The following PPAT variants were observed in gnomAD, a reference collection of about 807,000 sequenced individuals.
PPAT encodes the protein phosphoribosyl pyrophosphate amidotransferase.
Under a neutral mutation model 60.2 loss-of-function variants are expected in PPAT, and 20 were observed. The ratio of observed to expected loss-of-function variants is 0.33; its 90% confidence interval spans 0.23 to 0.48. The LOEUF is 0.48. Ranked by LOEUF, PPAT falls within the 20% of genes least tolerant of loss-of-function variation. PPAT has a pLI of 0.99. For missense variants in PPAT, 349 were observed against 629.6 expected (o/e 0.55, Z 4.77); for synonymous variants, 194 against 215.1 (o/e 0.90, Z 0.86).
chr4:56,423,224 A>T (rs1295360108), intron 1 of PPAT: 1 of 152,200 alleles, frequency 6.6e-6, no homozygotes, highest in Non-Finnish European at 1.5e-5. Context: ...TAGTTAATCA[A>T]ATTTCCTATA....
In PPAT at chr4:56,403,293, C is replaced by A. The variant is rs1434127543; in HGVS notation, c.511G>T (p.Ala171Ser). Residue 171 changes from alanine to serine, a missense_variant, in exon 4 of 11, where the codon GCC becomes TCC. Physicochemically the swap from Ala to Ser is moderately conservative, Grantham distance 99. Around this residue, in one of 5 missense-constraint regions of PPAT, gnomAD observed 63 missense variants for 86.9 expected, o/e 0.73. Transcript: ENST00000264220. The part of the protein sequence containing the change: ...QEQDDTPDWV[A>S]RIKNLMKEAP... Reference sequence around the variant, plus strand: ...TTAGTCCAGTTCTCTGCTTACCTGGCTACCCAGTCTGGGGTGTCATCTTGT... The same window carrying A: ...TTAGTCCAGTTCTCTGCTTACCTGGATACCCAGTCTGGGGTGTCATCTTGT... 6.2e-7 allele frequency: 1 copy of A among 1,611,948 alleles called. No homozygotes were observed. Among genetic ancestry groups the A allele is most frequent in the South Asian group, 1.1e-5 (1 of 91,020 alleles).
At chr4:56,422,541 A>G (rs1178975898) in intron 1 of PPAT, 1 of 148,482 alleles carries the variant, frequency 6.7e-6, no homozygotes, top group African/African-American at 2.5e-5. Context: ...ATAAAATGCT[A>G]TTATAAGACA....
Position 56,399,332 on chromosome 4 carries a change from G to A in PPAT, c.1083C>T (p.Asn361=), listed in dbSNP as rs112406471. Residue 361 remains asparagine (N), a synonymous_variant, in exon 9 of 11, where the codon AAC becomes AAT. Coordinates refer to ENST00000264220, the MANE Select transcript of PPAT (RefSeq NM_002703.5). ...CAACACCAAGTTGTCTTAACCTCAT[G>A]TTTGGCTGAATGAAGGTTCTCCCTA... ...RYVGRTFIQP[N]MRLRQLGVAK... is the part of the protein sequence containing the mutation. 2 of 1,613,946 alleles carry A rather than the reference G, an allele frequency of 1.2e-6. No individual in the cohort carries two copies. The highest frequency in any genetic ancestry group is 1.3e-5 in the African/African-American group (1 of 75,002).
At chr4:56,400,645 A>C (rs1716087315) in intron 8 of PPAT, 139 bp downstream of exon 8, 20 of 940,452 alleles carry the variant, frequency 2.1e-5, no homozygotes, top group Middle Eastern at 3.8e-4. Context: ...AAAATAAAAA[A>C]CGCTTGTAAA....
chr4:56,414,711 T>C (rs1274886288), intron 1 of PPAT, among the ~76,000 whole-genome samples: 2 of 152,196 alleles, frequency 1.3e-5, no homozygotes, highest in African/African-American at 4.8e-5. Flanking sequence ...TGGACGTAAA[T>C]CTGGACTCTA....
At chr4:56,402,832 A>AG (rs1210702243) in intron 5 of PPAT, among the ~76,000 whole-genome samples, 1 of 137,282 alleles carries the variant, frequency 7.3e-6, no homozygotes, top group Non-Finnish European at 1.6e-5. Flanking sequence ...AAAAAAAAAA[A>AG]AAAAAAAAAA....
intron 1 of PPAT, chr4:56,431,315 C>T (rs1717571832): frequency 6.0e-6 from 2 of 331,648 alleles, no homozygotes; most frequent in Admixed American, 1.3e-4. Context: ...CTCCACAAAA[C>T]TAAATGAAGA....
At position 56,435,336 on chromosome 4, in the gene PPAT, AC is replaced by A; in HGVS notation, c.128+13del. The A allele has an allele frequency of 6.3e-7, 1 of 1,581,310 alleles. No individual in the cohort carries two copies. The highest frequency in any genetic ancestry group is 1.1e-5 in the South Asian group (1 of 90,186). ...GGAGACGCACGCCCCCGCCACCCCC[AC>A]CCTGTTGCTCACCGGTGCTGCAGCC... On this transcript the variant is annotated intron_variant, in intron 1 of 10. Coordinates refer to ENST00000264220, the MANE Select transcript of PPAT (RefSeq NM_002703.5).
intron 2 of PPAT, among the ~76,000 whole-genome samples, chr4:56,407,337 A>G (rs1418153508): frequency 1.4e-5 from 2 of 139,574 alleles, no homozygotes; most frequent in African/African-American, 5.4e-5. Context: ...TTTTTTTTTG[A>G]GATGGAGTTT....
intron 3 of PPAT, 101 bp from the exon 4 acceptor site, chr4:56,403,502 TC>T: frequency 1.2e-6 from 1 of 843,512 alleles, no homozygotes; most frequent in Middle Eastern, 2.5e-4. Flanking sequence ...TCTGTGGATG[TC>T]CAGTTACAAA....
intron 1 of PPAT, among the ~76,000 whole-genome samples, chr4:56,434,349 C>T (rs1250907941): frequency 1.3e-5 from 2 of 152,166 alleles, no homozygotes; most frequent in Non-Finnish European, 2.9e-5. Flanking sequence ...TTTGCTGTTA[C>T]GTGTTATTGC....
At chr4:56,432,459 G>C (rs186012274) in intron 1 of PPAT, among the ~76,000 whole-genome samples, 2 of 149,046 alleles carry the variant, frequency 1.3e-5, no homozygotes, top group Admixed American at 1.3e-4. Context: ...TTGGGAAACG[G>C]AGGTTGCAAT....
Position 56,435,319 on chromosome 4 carries a change from A to C in PPAT, c.128+31T>G, listed in dbSNP as rs775773081. Reference sequence around the variant, plus strand: ...AAGCGGCTCCGAGAGATGGAGACGCACGCCCCCGCCACCCCCACCCTGTTG... The same window carrying C: ...AAGCGGCTCCGAGAGATGGAGACGCCCGCCCCCGCCACCCCCACCCTGTTG... On this transcript the variant is annotated intron_variant, in intron 1 of 10. Coordinates refer to ENST00000264220, the MANE Select transcript of PPAT (RefSeq NM_002703.5). 3.1e-6 allele frequency: 5 copies of C among 1,611,488 alleles called. No homozygotes were observed. In the South Asian group the frequency reaches 4.4e-5, roughly 14 times the overall value.
chr4:56,411,502 G>A (rs545460123), intron 1 of PPAT, among the ~76,000 whole-genome samples: 21 of 152,122 alleles, frequency 1.4e-4, no homozygotes, highest in Non-Finnish European at 2.6e-4. Context: ...GATTTACAGG[G>A]GTTTCTTGAC....
chr4:56,410,643 T>C (rs1716405367), intron 1 of PPAT: 9 of 986,604 alleles, frequency 9.1e-6, no homozygotes, highest in Non-Finnish European at 1.1e-5. Flanking sequence ...TTTATTTACA[T>C]TGCTAAAAGG....
chr4:56,395,613 CAG>C, intron 10 of PPAT, 65 bp from the exon 11 acceptor site: 5 of 1,167,426 alleles, frequency 4.3e-6, no homozygotes, highest in Non-Finnish European at 5.7e-6. Context: ...AACGCGTCAA[CAG>C]AGAATAGTTA....
chr4:56,404,026 G>T (rs1487651849), intron 3 of PPAT: 1 of 450,614 alleles, frequency 2.2e-6, no homozygotes. Flanking sequence ...GCCACAGACT[G>T]GTACTAGTCC....
intron 1 of PPAT, among the ~76,000 whole-genome samples, chr4:56,428,059 G>T (rs982749347): frequency 6.6e-6 from 1 of 152,170 alleles, no homozygotes; most frequent in Non-Finnish European, 1.5e-5. Context: ...CACTAATAAT[G>T]AGAACAGTCT....
At chr4:56,430,046 A>C (rs938527876) in intron 1 of PPAT, among the ~76,000 whole-genome samples, 3 of 152,132 alleles carry the variant, frequency 2.0e-5, no homozygotes, top group Non-Finnish European at 4.4e-5. Flanking sequence ...GGATCACTTG[A>C]ACTCAGGAGT....
Sources: gnomAD v4.1 joint callset for allele counts (sites outside exome capture counted in the v4.1 genomes callset) on GRCh38, gnomAD v4.1.1 for gene constraint, gnomAD v4.1.1 regional missense constraint, MANE v1.5 for transcripts, NCBI Gene and HGNC (gene_info 2026-07-23, HGNC 2026-07-21) for gene names.